TAF13: variants seen among roughly 807,000 people sequenced by gnomAD.
The protein encoded by TAF13 is transcription initiation factor TFIID subunit 13.
Under a neutral mutation model 18.7 loss-of-function variants are expected in TAF13, and 9 were observed. That is an observed-to-expected ratio of 0.48 (90% CI 0.29 to 0.84). The LOEUF (loss-of-function observed/expected upper bound fraction) is 0.84. Among genes scored for constraint, TAF13 ranks in the 40% least tolerant of loss-of-function variants. The pLI, the probability that TAF13 is intolerant of heterozygous loss-of-function variation, is 0.08. For missense variants in TAF13, 105 were observed against 146.5 expected, an observed-to-expected ratio of 0.72 and a Z score of 1.46; for synonymous variants, 49 against 44.1, an observed-to-expected ratio of 1.11 and a Z score of -0.44.
chr1:109,075,043 A>C lies in TAF13; in HGVS notation c.50T>G (p.Ile17Ser). ...DPTFEEENEE[I>S]GGGAEGGQGK... ...CTGTCCACCTTCTGCACCTCCTCCA[A>C]TTTCTTCATTTTCTTCCTCAAACTA... Residue 17 changes from isoleucine to serine, a missense_variant, in exon 2 of 4, where the codon ATT (isoleucine) becomes AGT (serine). Ile to Ser is a moderately radical substitution (Grantham distance 142). Coordinates refer to ENST00000338366, the MANE Select transcript of TAF13 (RefSeq NM_005645.4). The C allele has an allele frequency of 6.2e-7, 1 of 1,608,170 alleles. No individual in the cohort carries two copies. The highest frequency in any genetic ancestry group is 1.1e-5 in the South Asian group (1 of 89,294).
intron 2 of TAF13, among the ~76,000 whole-genome samples, chr1:109,071,924 A>G (rs1328724048): frequency 6.8e-6 from 1 of 147,404 alleles, no homozygotes; most frequent in African/African-American, 2.5e-5. Context: ...TACACTCCAG[A>G]CTGACAACAG....
At chr1:109,073,261 C>T (rs1363232386) in intron 2 of TAF13, among the ~76,000 whole-genome samples, 2 of 150,888 alleles carry the variant, frequency 1.3e-5, no homozygotes, top group Admixed American at 6.6e-5. Context: ...ATTTATAGGC[C>T]GGGTGCAGTG....
chr1:109,073,771 T>A (rs1664123130), intron 2 of TAF13, among the ~76,000 whole-genome samples: 1 of 152,222 alleles, frequency 6.6e-6, no homozygotes, highest in Non-Finnish European at 1.5e-5. Flanking sequence ...GATTGCAGCC[T>A]CTGCCCGGCT....
chr1:109,074,482 T>C (rs938715150), intron 2 of TAF13, among the ~76,000 whole-genome samples: 10 of 152,142 alleles, frequency 6.6e-5, no homozygotes, highest in Non-Finnish European at 1.5e-4. Flanking sequence ...CAGAGACCCT[T>C]GTTCACATGT....
rs192937313 is a variant in TAF13, at chr1:109,066,469, C to A, written c.107-237G>T. On this transcript the variant is annotated intron_variant, in intron 2 of 3. Transcript: ENST00000338366. ...CTCTTCCTTCCTCCCACCTACTGAACCCTAAGGTAAACAGTCTTTTCCTAA... is the reference window on the plus strand; with the variant it reads ...CTCTTCCTTCCTCCCACCTACTGAAACCTAAGGTAAACAGTCTTTTCCTAA... 1.4e-3 allele frequency among the ~76,000 whole-genome samples: 218 copies of A among 152,240 alleles called. 1 individual carries two copies. Among genetic ancestry groups the A allele is most frequent in the African/African-American group, 5.0e-3 (209 of 41,542 alleles).
chr1:109,067,561 G>A (rs1250762832), intron 2 of TAF13, among the ~76,000 whole-genome samples: 1 of 152,128 alleles, frequency 6.6e-6, no homozygotes, highest in African/African-American at 2.4e-5. Flanking sequence ...AGTGAGCTGA[G>A]AATGCGCCAC....
intron 2 of TAF13, among the ~76,000 whole-genome samples, chr1:109,067,750 C>T (rs920721043): frequency 3.9e-5 from 6 of 152,136 alleles, no homozygotes; most frequent in Admixed American, 2.6e-4. Flanking sequence ...AAGTCCTTTA[C>T]ATATATAACT....
intron 2 of TAF13, among the ~76,000 whole-genome samples, chr1:109,074,099 G>A (rs887781237): frequency 4.6e-5 from 7 of 152,226 alleles, no homozygotes; most frequent in African/African-American, 7.2e-5. Flanking sequence ...CATTGAGAAC[G>A]GGCCATGATG....
chr1:109,064,772 AG>A (rs1663923232), intron 3 of TAF13, 79 bp from the exon 4 acceptor site: 8 of 1,186,718 alleles, frequency 6.7e-6, no homozygotes, highest in Non-Finnish European at 1.1e-6. Context: ...ATTAATTGCA[AG>A]TGAGGTAGAA....
chr1:109,074,967 C>G lies in TAF13; in HGVS notation c.106+20G>C. ...AAGTTTTCATCATCTATAACAAAATCATTGTCAAATACTACTTACATTCTT... is the reference window on the plus strand; with the variant it reads ...AAGTTTTCATCATCTATAACAAAATGATTGTCAAATACTACTTACATTCTT... On this transcript the variant is annotated intron_variant, in intron 2 of 3. Coordinates refer to ENST00000338366, the MANE Select transcript of TAF13 (RefSeq NM_005645.4). The G allele has an allele frequency of 6.4e-7, 1 of 1,572,950 alleles. No individual in the cohort carries two copies. The highest frequency in any genetic ancestry group is 8.6e-7 in the Non-Finnish European group (1 of 1,161,396).
chr1:109,071,662 A>G (rs1664054812), intron 2 of TAF13, among the ~76,000 whole-genome samples: 1 of 150,532 alleles, frequency 6.6e-6, no homozygotes, highest in South Asian at 2.1e-4. Flanking sequence ...AAAAAGATAC[A>G]CTGACGCTGA....
chr1:109,075,004 C>A lies in TAF13; in HGVS notation c.89G>T (p.Arg30Ile). ...CTACTTACATTCTTTAGAAAAAAGT[C>A]TCTTTCTTTTACCCTGTCCACCTTC... ...GAEGGQGKRK[R>I]LFSKELRCMM... Residue 30 changes from arginine to isoleucine, a missense_variant, in exon 2 of 4, where the codon AGA (arginine) becomes ATA (isoleucine). Arg to Ile is a moderately conservative substitution (Grantham distance 97). Transcript: ENST00000338366. The A allele has an allele frequency of 1.3e-6, 2 of 1,599,270 alleles. No individual in the cohort carries two copies. The highest frequency in any genetic ancestry group is 8.5e-7 in the Non-Finnish European group (1 of 1,176,440).
chr1:109,071,943 T>G (rs1664061754), intron 2 of TAF13, among the ~76,000 whole-genome samples: 1 of 143,810 alleles, frequency 7.0e-6, no homozygotes, highest in Non-Finnish European at 1.5e-5. Flanking sequence ...AGTGAGACTC[T>G]GTCTCAAAAA....
At chr1:109,069,446 G>C (rs1363822712) in intron 2 of TAF13, among the ~76,000 whole-genome samples, 1 of 151,970 alleles carries the variant, frequency 6.6e-6, no homozygotes, top group East Asian at 1.9e-4. Flanking sequence ...ACTGTTTAGG[G>C]AATAGTGACA....
intron 2 of TAF13, among the ~76,000 whole-genome samples, chr1:109,068,691 TCC>T (rs1454588201): frequency 6.6e-6 from 1 of 151,932 alleles, no homozygotes; most frequent in Non-Finnish European, 1.5e-5. Context: ...AAACTCCCAG[TCC>T]AGAGACAAGC....
chr1:109,065,326 A>G (rs142511114), intron 3 of TAF13, among the ~76,000 whole-genome samples: 2,847 of 152,008 alleles, frequency 0.019, 88 homozygotes, highest in African/African-American at 0.065. Flanking sequence ...CTGTCTCTAC[A>G]AAAAATTCAA....
intron 2 of TAF13, among the ~76,000 whole-genome samples, chr1:109,073,556 C>G (rs534368655): frequency 6.7e-6 from 1 of 149,838 alleles, no homozygotes; most frequent in Non-Finnish European, 1.5e-5. Flanking sequence ...TTGGTGGAGA[C>G]GGGGTTTCGC....
At chr1:109,075,258 C>T (rs2102113841) in intron 1 of TAF13, among the ~76,000 whole-genome samples, 193 bp from the exon 2 acceptor site, 1 of 151,692 alleles carries the variant, frequency 6.6e-6, no homozygotes, top group East Asian at 1.9e-4. Context: ...GCAAAAATGG[C>T]TTCTACAATG....
At chr1:109,073,834 G>T (rs984108737) in intron 2 of TAF13, among the ~76,000 whole-genome samples, 6 of 152,156 alleles carry the variant, frequency 3.9e-5, no homozygotes, top group Non-Finnish European at 7.4e-5. Flanking sequence ...CCATCCCCTG[G>T]GATGTGGGGA....
Sources: gnomAD v4.1 joint callset for allele counts (sites outside exome capture counted in the v4.1 genomes callset) on GRCh38, gnomAD v4.1.1 for gene constraint, MANE v1.5 for transcripts, NCBI Gene and HGNC (gene_info 2026-07-23, HGNC 2026-07-21) for gene names.